The following MAST2 variants were observed in gnomAD, a reference collection of about 807,000 sequenced individuals.
MAST2 encodes the protein microtubule-associated serine/threonine-protein kinase 2.
A neutral mutation model predicts 147.4 loss-of-function variants in MAST2; 70 were observed. The observed-to-expected ratio is 0.47, with a 90% confidence interval of 0.39 to 0.58. MAST2 has a LOEUF of 0.58. Ranked by LOEUF, MAST2 falls within the 20% of genes least tolerant of loss-of-function variation. MAST2 has a pLI of 0.00. For missense variants in MAST2, 2,080 were observed against 2,302.3 expected (o/e 0.90, Z 1.98); for synonymous variants, 869 against 896.8 (o/e 0.97, Z 0.55).
intron 4 of MAST2, among the ~76,000 whole-genome samples, chr1:45,907,919 TAA>T (rs770362790): frequency 6.6e-6 from 1 of 152,212 alleles, no homozygotes; most frequent in Non-Finnish European, 1.5e-5. Flanking sequence ...CTATTTTAAA[TAA>T]GTTATAGAAT....
At chr1:45,998,574 T>TA (rs1185867464) in intron 6 of MAST2, among the ~76,000 whole-genome samples, 2 of 152,290 alleles carry the variant, frequency 1.3e-5, no homozygotes, top group Non-Finnish European at 2.9e-5. Flanking sequence ...AGTTTATATT[T>TA]ATTTTATTTT....
chr1:45,815,894 T>C (rs1377623529), intron 1 of MAST2, among the ~76,000 whole-genome samples: 1 of 152,238 alleles, frequency 6.6e-6, no homozygotes, highest in African/African-American at 2.4e-5. Context: ...TCATGTGGCC[T>C]GTGCCTAGGA....
intron 10 of MAST2, chr1:46,011,214 A>C (rs1461539707): frequency 4.7e-6 from 2 of 422,228 alleles, no homozygotes; most frequent in Non-Finnish European, 8.6e-6. Context: ...CATGGGTAGT[A>C]GTCATAAGTA....
chr1:45,906,850 C>G (rs1650831745), intron 4 of MAST2, among the ~76,000 whole-genome samples: 1 of 151,750 alleles, frequency 6.6e-6, no homozygotes, highest in South Asian at 2.1e-4. Flanking sequence ...TCATGCAAAC[C>G]CCACTCATGG....
intron 10 of MAST2, among the ~76,000 whole-genome samples, chr1:46,012,291 A>C (rs1645746255): frequency 6.6e-6 from 1 of 152,238 alleles, no homozygotes; most frequent in Non-Finnish European, 1.5e-5. Flanking sequence ...TGCTAAAGTC[A>C]GAGCCTTGCC....
intron 3 of MAST2, among the ~76,000 whole-genome samples, chr1:45,882,040 A>AAAAT: frequency 6.8e-6 from 1 of 146,456 alleles, no homozygotes; most frequent in Admixed American, 6.8e-5. Flanking sequence ...AAAAAAAAAA[A>AAAAT]AATTAGCCAG....
At chr1:45,836,524 A>G (rs185459187) in intron 3 of MAST2, among the ~76,000 whole-genome samples, 27 of 152,278 alleles carry the variant, frequency 1.8e-4, no homozygotes, top group African/African-American at 6.5e-4. Context: ...AATTTTCACG[A>G]GTTCAAAGAG....
intron 6 of MAST2, chr1:46,000,987 C>A (rs1263979474): frequency 5.4e-6 from 7 of 1,289,236 alleles, no homozygotes; most frequent in African/African-American, 1.5e-5. Context: ...CAGGTAATAG[C>A]GGGTATAATG....
At chr1:45,891,848 A>C (rs1647847744) in intron 4 of MAST2, among the ~76,000 whole-genome samples, 1 of 152,180 alleles carries the variant, frequency 6.6e-6, no homozygotes, top group Non-Finnish European at 1.5e-5. Flanking sequence ...TTGGACTTTT[A>C]AAGGCCTCTA....
chr1:45,922,423 C>T (rs1440020956), intron 4 of MAST2, among the ~76,000 whole-genome samples: 1 of 152,220 alleles, frequency 6.6e-6, no homozygotes, highest in Non-Finnish European at 1.5e-5. Context: ...CAGCACTGGG[C>T]TGTCCTCAGT....
At position 46,021,927 on chromosome 1, in the gene MAST2, ACTAT is replaced by A; in HGVS notation, c.1291-20_1291-17del. The A allele has an allele frequency of 6.2e-7, 1 of 1,613,516 alleles. No homozygotes were observed. On this transcript the variant is annotated intron_variant, in intron 11 of 28. Coordinates refer to ENST00000361297, the MANE Select transcript of MAST2 (RefSeq NM_015112.3). ...CTTTCGCTTATATCTGTCACCACTG[ACTAT>A]CTCTCTCCCTTGGTACAGGAGTTTG...
At chr1:45,909,101 T>C (rs1316728960) in intron 4 of MAST2, among the ~76,000 whole-genome samples, 1 of 152,188 alleles carries the variant, frequency 6.6e-6, no homozygotes, top group Non-Finnish European at 1.5e-5. Context: ...TTACATCAAA[T>C]GTAAAGCTAT....
At chr1:45,829,395 CA>C in intron 2 of MAST2, 43 bp from the exon 3 acceptor site, 1 of 1,537,212 alleles carries the variant, frequency 6.5e-7, no homozygotes, top group South Asian at 1.2e-5. Flanking sequence ...ATTTGTTTAT[CA>C]ATAAATAATT....
At chr1:45,804,508 T>G (rs1644082457) in intron 1 of MAST2, among the ~76,000 whole-genome samples, 1 of 152,234 alleles carries the variant, frequency 6.6e-6, no homozygotes, top group Non-Finnish European at 1.5e-5. Flanking sequence ...CCAAGCATTC[T>G]CTGATTTGGC....
At chr1:45,962,232 C>T (rs1305251237) in intron 5 of MAST2, among the ~76,000 whole-genome samples, 1 of 152,186 alleles carries the variant, frequency 6.6e-6, no homozygotes, top group African/African-American at 2.4e-5. Context: ...AATAAACATA[C>T]AAGTACATGT....
intron 3 of MAST2, among the ~76,000 whole-genome samples, chr1:45,880,287 A>T (rs1646786257): frequency 6.6e-6 from 1 of 152,236 alleles, no homozygotes; most frequent in African/African-American, 2.4e-5. Flanking sequence ...TGAGTTGAAG[A>T]AGCCTATGTA....
At chr1:46,028,688 TG>T in intron 17 of MAST2, 79 bp from the exon 18 acceptor site, 1 of 1,469,730 alleles carries the variant, frequency 6.8e-7, no homozygotes, top group Non-Finnish European at 9.4e-7. Flanking sequence ...CTGCTCGAGA[TG>T]GGAGCATCCC....
intron 10 of MAST2, 135 bp downstream of exon 10, chr1:46,011,074 TG>T (rs35155395): frequency 0.31 from 220,680 of 718,928 alleles, 35,241 homozygotes; most frequent in African/African-American, 0.41. Flanking sequence ...AAGGTAGAGC[TG>T]AGGGACTTAG....
chr1:45,891,508 A>G (rs770636359), intron 4 of MAST2, among the ~76,000 whole-genome samples: 1 of 152,192 alleles, frequency 6.6e-6, no homozygotes, highest in Non-Finnish European at 1.5e-5. Flanking sequence ...ATTATTTCAC[A>G]TAACGTCAGT....
Sources: gnomAD v4.1 joint callset for allele counts (sites outside exome capture counted in the v4.1 genomes callset) on GRCh38, gnomAD v4.1.1 for gene constraint, MANE v1.5 for transcripts, NCBI Gene and HGNC (gene_info 2026-07-23, HGNC 2026-07-21) for gene names.